The following STK38 variants were observed in gnomAD, a reference collection of about 807,000 sequenced individuals.
STK38 encodes serine/threonine kinase 38.
Under a neutral mutation model 59.0 loss-of-function variants are expected in STK38, and 26 were observed. The observed-to-expected ratio is 0.44, with a 90% CI of 0.32 to 0.61. The LOEUF (loss-of-function observed/expected upper bound fraction) is 0.61. Ranked by LOEUF, STK38 falls within the 20% of genes least tolerant of loss-of-function variation. The pLI is 0.04. For synonymous variants in STK38, 175 were observed against 176.6 expected (o/e 0.99, Z 0.07); for missense variants, 433 against 566.0 (o/e 0.76, Z 2.38).
chr6:36,524,284 T>C (rs1337504772), intron 4 of STK38, 57 bp downstream of exon 4: 1 of 1,574,858 alleles, frequency 6.3e-7, no homozygotes, highest in East Asian at 2.3e-5. Context: ...AATGGTATGT[T>C]AGAAGCTTTG....
At chr6:36,533,272 TGA>T (rs1777710956) in intron 2 of STK38, among the ~76,000 whole-genome samples, 1 of 152,268 alleles carries the variant, frequency 6.6e-6, no homozygotes, top group African/African-American at 2.4e-5. Context: ...CTCAGCCTTC[TGA>T]GTAGTTAGAA....
chr6:36,537,095 T>A (rs1777811042), intron 2 of STK38, among the ~76,000 whole-genome samples: 1 of 152,106 alleles, frequency 6.6e-6, no homozygotes, highest in African/African-American at 2.4e-5. Flanking sequence ...AACTCCATTT[T>A]TTTAAATGCT....
At chr6:36,533,086 G>A (rs574868886) in intron 2 of STK38, among the ~76,000 whole-genome samples, 33 of 148,074 alleles carry the variant, frequency 2.2e-4, no homozygotes, top group Non-Finnish European at 4.0e-4. Context: ...AAAAAAAGGG[G>A]TACACAACAA....
intron 5 of STK38, among the ~76,000 whole-genome samples, chr6:36,518,408 C>T (rs1163877871): frequency 6.6e-6 from 1 of 152,160 alleles, no homozygotes; most frequent in Non-Finnish European, 1.5e-5. Flanking sequence ...TATACTTTTA[C>T]TGAAATACCT....
intron 5 of STK38, 32 bp from the exon 6 acceptor site, chr6:36,517,872 G>T: frequency 6.2e-7 from 1 of 1,608,818 alleles, no homozygotes; most frequent in Non-Finnish European, 8.5e-7. Context: ...TAATGACAAA[G>T]CTTGCTCTGC....
chr6:36,546,269 T>A (rs1778050401), intron 1 of STK38, among the ~76,000 whole-genome samples: 1 of 151,998 alleles, frequency 6.6e-6, no homozygotes, highest in Admixed American at 6.6e-5. Context: ...TTCCTAGGAG[T>A]TTATGTGTGA....
intron 7 of STK38, among the ~76,000 whole-genome samples, chr6:36,510,435 C>A (rs1777081290): frequency 6.6e-6 from 1 of 152,218 alleles, no homozygotes; most frequent in Admixed American, 6.5e-5. Context: ...CAGGTACTTC[C>A]AAGCTCATGG....
At chr6:36,514,142 G>C (rs530806152) in intron 7 of STK38, among the ~76,000 whole-genome samples, 1 of 136,608 alleles carries the variant, frequency 7.3e-6, no homozygotes, top group Non-Finnish European at 1.5e-5. Flanking sequence ...GCGACAGAGC[G>C]AGACTCCGTC....
At chr6:36,511,505 GCCA>G (rs954189651) in intron 7 of STK38, among the ~76,000 whole-genome samples, 2 of 151,818 alleles carry the variant, frequency 1.3e-5, no homozygotes, top group African/African-American at 4.8e-5. Context: ...ACAGGTGCCC[GCCA>G]CCACATCTGG....
At position 36,506,193 on chromosome 6, in the gene STK38, A is replaced by C. The variant is rs551790909; in HGVS notation, c.834+390T>G. 3.3e-5 allele frequency among the ~76,000 whole-genome samples: 5 copies of C among 152,314 alleles called. No individual in the cohort carries two copies. In the East Asian group the frequency reaches 9.6e-4, roughly 29 times the overall value. On this transcript the variant is annotated intron_variant, in intron 9 of 13. Coordinates refer to ENST00000229812, the MANE Select transcript of STK38 (RefSeq NM_007271.4). The stretch of plus-strand genomic sequence containing the variant: ...GACTTGCCCTTGCCCGAGTGGATCA[A>C]AATTTTTAAAAAGTTTGAGAATTGA...
intron 1 of STK38, among the ~76,000 whole-genome samples, chr6:36,543,130 T>C (rs1014859467): frequency 2.0e-5 from 3 of 150,918 alleles, no homozygotes; most frequent in African/African-American, 4.9e-5. Context: ...AGTGGCGCGA[T>C]CTCGGCTCAC....
intron 8 of STK38, 68 bp downstream of exon 8, chr6:36,507,432 G>A: frequency 7.7e-7 from 1 of 1,294,980 alleles, no homozygotes; most frequent in Non-Finnish European, 1.1e-6. Flanking sequence ...TTCTAATTTG[G>A]TTACAAGGGA....
At chr6:36,506,431 G>A (rs188984618) in intron 9 of STK38, 152 bp downstream of exon 9, 2 of 764,536 alleles carry the variant, frequency 2.6e-6, no homozygotes, top group Non-Finnish European at 2.1e-6. Flanking sequence ...ATTCCTTTCG[G>A]TCCTACCAAC....
At chr6:36,527,515 T>C (rs945360987) in intron 2 of STK38, among the ~76,000 whole-genome samples, 2 of 150,880 alleles carry the variant, frequency 1.3e-5, no homozygotes, top group Non-Finnish European at 3.0e-5. Context: ...AGCACACCAG[T>C]GCACTCCAGC....
intron 1 of STK38, among the ~76,000 whole-genome samples, chr6:36,546,767 G>GGGGC (rs887489336): frequency 2.0e-5 from 3 of 152,128 alleles, no homozygotes; most frequent in Admixed American, 2.0e-4. Flanking sequence ...CACCCCAAGG[G>GGGGC]GGGCTTTCGA....
Position 36,496,717 on chromosome 6 carries a change from G to C in STK38, c.1261C>G (p.Pro421Ala), listed in dbSNP as rs777033679. 37 of 1,611,528 alleles carry C rather than the reference G, an allele frequency of 2.3e-5. No homozygotes were observed. The highest frequency in any genetic ancestry group is 3.1e-5 in the Non-Finnish European group (37 of 1,178,098). Reference sequence around the variant, plus strand: ...ACAATGCTGGTGGTGTTACCTGTTGGCTTAAGAATATCAGATTCTGGAAAC... The same window carrying C: ...ACAATGCTGGTGGTGTTACCTGTTGCCTTAAGAATATCAGATTCTGGAAAC... ...DEFPESDILKPTVATSNHPET... is the reference protein window; with the variant it reads ...DEFPESDILKATVATSNHPET... The change falls in exon 13 of 14, where the codon CCA becomes GCA. Residue 421 changes from proline (P) to alanine (A), a missense_variant. By Grantham distance (27) the Pro-to-Ala change is conservative. Transcript: ENST00000229812.
intron 4 of STK38, among the ~76,000 whole-genome samples, chr6:36,523,258 G>GTTT (rs1264389755): frequency 4.1e-5 from 6 of 147,332 alleles, no homozygotes; most frequent in Non-Finnish European, 7.5e-5. Context: ...GGGGTACCAG[G>GTTT]TTTTTTGTTT....
chr6:36,536,107 G>A (rs1173548955), intron 2 of STK38, among the ~76,000 whole-genome samples: 3 of 152,170 alleles, frequency 2.0e-5, no homozygotes, highest in Admixed American at 6.5e-5. Context: ...AAATCAATGG[G>A]ACAGAAAAAG....
intron 9 of STK38, among the ~76,000 whole-genome samples, chr6:36,500,342 C>T (rs1290248364): frequency 2.6e-5 from 4 of 151,806 alleles, no homozygotes; most frequent in African/African-American, 7.2e-5. Flanking sequence ...TACATGAGTC[C>T]ATTTAATCCT....
Sources: allele counts gnomAD v4.1 joint callset (sites outside exome capture counted in the v4.1 genomes callset), GRCh38; gene constraint gnomAD v4.1.1; transcripts MANE v1.5; gene names NCBI Gene and HGNC (gene_info 2026-07-23, HGNC 2026-07-21).